Variants in ZFAND3 observed in about 807,000 individuals in gnomAD.
The protein encoded by ZFAND3 is AN1-type zinc finger protein 3.
A neutral mutation model predicts 29.6 loss-of-function variants in ZFAND3; 10 were observed. The ratio of observed to expected loss-of-function variants is 0.34; its 90% CI spans 0.21 to 0.57. ZFAND3 has a LOEUF of 0.57. Among genes scored for constraint, ZFAND3 ranks in the 20% least tolerant of loss-of-function variants. The probability of loss-of-function intolerance (pLI) is 0.86; values close to 1 mark genes in which losing one functional copy is unlikely to be tolerated. For synonymous variants in ZFAND3, 128 were observed against 112.6 expected (o/e 1.14, Z -0.87); for missense variants, 230 against 304.5 (o/e 0.76, Z 1.82).
At chr6:37,930,566 A>G (rs559476943) in intron 2 of ZFAND3, among the ~76,000 whole-genome samples, 20 of 152,196 alleles carry the variant, frequency 1.3e-4, no homozygotes, top group East Asian at 5.8e-4. Context: ...CCCTCATTCA[A>G]ATCACCTCGG....
intron 2 of ZFAND3, among the ~76,000 whole-genome samples, chr6:37,953,441 C>CTTTTTTTTTTTTT (rs35182018): frequency 5.6e-5 from 6 of 106,222 alleles, no homozygotes; most frequent in Admixed American, 3.4e-4. Flanking sequence ...GCATAATTAT[C>CTTTTTTTTTTTTT]TTTTTTTTTT....
chr6:37,962,839 CTT>C (rs1046058461), intron 2 of ZFAND3, among the ~76,000 whole-genome samples: 2 of 152,302 alleles, frequency 1.3e-5, no homozygotes, highest in African/African-American at 4.8e-5. Flanking sequence ...GCTGCTCACT[CTT>C]TGGGTCCGCA....
intron 2 of ZFAND3, chr6:38,003,640 A>G (rs1762990680): frequency 3.3e-6 from 1 of 305,054 alleles, no homozygotes; most frequent in Non-Finnish European, 6.4e-6. Flanking sequence ...CTGGGACTAC[A>G]GTCATGCACC....
At chr6:38,013,669 G>T (rs1409581462) in intron 2 of ZFAND3, among the ~76,000 whole-genome samples, 2 of 151,798 alleles carry the variant, frequency 1.3e-5, no homozygotes, top group Non-Finnish European at 2.9e-5. Context: ...GTGTGTAGGT[G>T]CCTAAGCCCT....
intron 1 of ZFAND3, among the ~76,000 whole-genome samples, chr6:37,837,091 A>T (rs1332864278): frequency 1.3e-5 from 2 of 152,298 alleles, no homozygotes; most frequent in East Asian, 3.9e-4. Context: ...GTATAGGTTG[A>T]GATGTCATAG....
intron 2 of ZFAND3, among the ~76,000 whole-genome samples, chr6:38,023,131 A>C (rs928043372): frequency 3.3e-5 from 5 of 152,250 alleles, no homozygotes; most frequent in Non-Finnish European, 5.9e-5. Context: ...CACTCTAACC[A>C]TGAATCTATA....
chr6:38,085,771 A>T (rs181582341), intron 4 of ZFAND3, among the ~76,000 whole-genome samples: 1 of 152,254 alleles, frequency 6.6e-6, no homozygotes, highest in Non-Finnish European at 1.5e-5. Flanking sequence ...GCAAATACAC[A>T]CACAAATATA....
intron 5 of ZFAND3, among the ~76,000 whole-genome samples, chr6:38,117,380 C>G (rs937130607): frequency 6.7e-6 from 1 of 149,582 alleles, no homozygotes; most frequent in Non-Finnish European, 1.5e-5. Flanking sequence ...AGTCACCTTT[C>G]CTTCTGTATT....
intron 1 of ZFAND3, among the ~76,000 whole-genome samples, chr6:37,860,424 C>T (rs1489445715): frequency 6.6e-6 from 1 of 152,044 alleles, no homozygotes; most frequent in Non-Finnish European, 1.5e-5. Context: ...TGAATTTGCA[C>T]TCCCCCTGCT....
chr6:37,895,907 C>G (rs1050304788), intron 1 of ZFAND3, among the ~76,000 whole-genome samples: 2 of 152,086 alleles, frequency 1.3e-5, no homozygotes, highest in African/African-American at 4.8e-5. Context: ...GAGGCAAAAC[C>G]CTTTTGAGCA....
chr6:37,942,377 A>G (rs1761826785), intron 2 of ZFAND3, among the ~76,000 whole-genome samples: 1 of 152,108 alleles, frequency 6.6e-6, no homozygotes, highest in African/African-American at 2.4e-5. Flanking sequence ...TTAAAAATGT[A>G]CTTTTTTCCT....
At chr6:38,115,845 A>C (rs1423954538) in intron 4 of ZFAND3, among the ~76,000 whole-genome samples, 1 of 152,140 alleles carries the variant, frequency 6.6e-6, no homozygotes, top group Non-Finnish European at 1.5e-5. Context: ...GTTTTCACAG[A>C]GTACACCCCC....
At chr6:37,936,299 T>G (rs1366297266) in intron 2 of ZFAND3, among the ~76,000 whole-genome samples, 1 of 152,052 alleles carries the variant, frequency 6.6e-6, no homozygotes. Context: ...GAAATACTAG[T>G]TTTGGGAGAA....
chr6:37,819,863 GCCGCCA>G lies in ZFAND3; in HGVS notation c.-77_-72del. On this transcript the variant is annotated 5_prime_UTR_variant, in exon 1 of 6. Transcript: ENST00000287218. ...CCCCCGCCCCGAGCCCCCCGACGCC[GCCGCCA>G]CCGCCTCCTCAGAGCGGGGCCCGGG... 1 of 771,736 alleles carries G rather than the reference GCCGCCA, an allele frequency of 1.3e-6. No individual in the cohort carries two copies. Among genetic ancestry groups the G allele is most frequent in the Non-Finnish European group, 1.7e-6 (1 of 596,932 alleles). The allele number at this position is 771,736 out of a possible 1,614,324, so 47.8% of individuals were successfully genotyped here.
intron 2 of ZFAND3, among the ~76,000 whole-genome samples, chr6:37,967,886 C>T (rs1762320153): frequency 6.6e-6 from 1 of 152,148 alleles, no homozygotes; most frequent in African/African-American, 2.4e-5. Flanking sequence ...ACCCTTTTCT[C>T]TCCATGTGGG....
At chr6:37,910,950 G>C (rs1765510062) in intron 1 of ZFAND3, among the ~76,000 whole-genome samples, 1 of 152,074 alleles carries the variant, frequency 6.6e-6, no homozygotes, top group African/African-American at 2.4e-5. Context: ...CCATTAATGG[G>C]CACTTAGGTT....
At chr6:37,849,408 TTTC>T (rs1656673286) in intron 1 of ZFAND3, among the ~76,000 whole-genome samples, 1 of 152,178 alleles carries the variant, frequency 6.6e-6, no homozygotes, top group Non-Finnish European at 1.5e-5. Context: ...TTTTATTATT[TTTC>T]TTCTTATTAT....
At chr6:37,960,140 A>T (rs1372773968) in intron 2 of ZFAND3, among the ~76,000 whole-genome samples, 2 of 152,156 alleles carry the variant, frequency 1.3e-5, no homozygotes, top group Non-Finnish European at 2.9e-5. Flanking sequence ...TAAAATGGGG[A>T]TAATAATAGC....
At chr6:38,146,773 C>T (rs1766118438) in intron 5 of ZFAND3, among the ~76,000 whole-genome samples, 1 of 152,220 alleles carries the variant, frequency 6.6e-6, no homozygotes, top group African/African-American at 2.4e-5. Flanking sequence ...ATTCCCCTAT[C>T]CCTTATCCTC....
Sources: allele counts gnomAD v4.1 joint callset (sites outside exome capture counted in the v4.1 genomes callset), GRCh38; gene constraint gnomAD v4.1.1; transcripts MANE v1.5; gene names NCBI Gene and HGNC (gene_info 2026-07-23, HGNC 2026-07-21).